The following TMEM71 variants were observed in gnomAD, a reference collection of about 807,000 sequenced individuals.
TMEM71 encodes the protein transmembrane protein 71.
In TMEM71, 44 loss-of-function variants were observed where a neutral mutation model predicts 38.0. The ratio of observed to expected loss-of-function variants is 1.16; its 90% CI spans 0.91 to 1.49. The LOEUF (loss-of-function observed/expected upper bound fraction) is 1.49, where lower values mean the gene tolerates loss of function less well. Ranked by LOEUF, TMEM71 falls within the 40% of genes most tolerant of loss-of-function variation. The pLI, the probability that TMEM71 is intolerant of heterozygous loss-of-function variation, is 0.00. For synonymous variants in TMEM71, 133 were observed against 122.5 expected, an observed-to-expected ratio of 1.09 and a Z score of -0.56; for missense variants, 367 against 348.6, an observed-to-expected ratio of 1.05 and a Z score of -0.42.
intron 6 of TMEM71, among the ~76,000 whole-genome samples, chr8:132,725,741 G>A (rs7011718): frequency 5.9e-5 from 9 of 152,272 alleles, no homozygotes; most frequent in South Asian, 2.1e-4. Flanking sequence ...GAATCAAGGC[G>A]AAGTGAAGCG....
intron 9 of TMEM71, 111 bp downstream of exon 9, chr8:132,713,884 G>T: frequency 9.7e-7 from 1 of 1,028,030 alleles, no homozygotes; most frequent in South Asian, 1.4e-5. Flanking sequence ...CAGGACGAAT[G>T]ATCAGGATGT....
At chr8:132,724,880 G>A (rs910667750) in intron 6 of TMEM71, among the ~76,000 whole-genome samples, 2 of 152,074 alleles carry the variant, frequency 1.3e-5, no homozygotes, top group African/African-American at 4.8e-5. Context: ...TGTGAAACAT[G>A]CCCTTCCAAA....
intron 6 of TMEM71, among the ~76,000 whole-genome samples, chr8:132,722,792 T>G (rs1258077934): frequency 6.6e-6 from 1 of 152,202 alleles, no homozygotes; most frequent in East Asian, 1.9e-4. Flanking sequence ...CTCTTTGCAA[T>G]CAGTACAATA....
At chr8:132,730,885 G>A (rs542136577) in intron 5 of TMEM71, among the ~76,000 whole-genome samples, 1 of 152,104 alleles carries the variant, frequency 6.6e-6, no homozygotes, top group African/African-American at 2.4e-5. Flanking sequence ...GTGTACATGT[G>A]TGCATGTGTG....
intron 2 of TMEM71, among the ~76,000 whole-genome samples, chr8:132,757,725 C>T (rs551613892): frequency 3.9e-4 from 59 of 150,886 alleles, no homozygotes; most frequent in Non-Finnish European, 6.2e-4. Flanking sequence ...ACTGGGGAGG[C>T]TGAGGCAGGA....
chr8:132,737,381 C>T (rs970757470), intron 5 of TMEM71, among the ~76,000 whole-genome samples: 1 of 152,210 alleles, frequency 6.6e-6, no homozygotes, highest in African/African-American at 2.4e-5. Flanking sequence ...CATAACACAT[C>T]TACCAGGGAC....
At chr8:132,706,503 A>T (rs1003851197), downstream of TMEM71, among the ~76,000 whole-genome samples, 1 of 152,132 alleles carries the variant, frequency 6.6e-6, no homozygotes, top group Non-Finnish European at 1.5e-5. Context: ...TTACTTTCTC[A>T]ATCTTTTTAG....
chr8:132,772,468 G>C, the TMEM71 span, among the ~76,000 whole-genome samples: 1 of 152,252 alleles, frequency 6.6e-6, no homozygotes, highest in Non-Finnish European at 1.5e-5. Flanking sequence ...TACATGGCCA[G>C]GGAGTCAGTA....
rs368282752 is a variant in TMEM71, at chr8:132,743,542, C to T, written c.487+3400G>A. Among the ~76,000 whole-genome samples the T allele has an allele frequency of 1.9e-3, 284 of 152,294 alleles. 1 individual carries two copies. The highest frequency in any genetic ancestry group is 6.6e-3 in the African/African-American group (273 of 41,564). ...TCCATGAATGCTTCCTTCCTAATCTCTTTTGCAGGTTAATCCTGTCCTATT... is the reference window on the plus strand; with the variant it reads ...TCCATGAATGCTTCCTTCCTAATCTTTTTTGCAGGTTAATCCTGTCCTATT... On this transcript the variant is annotated intron_variant, in intron 5 of 9. Coordinates refer to ENST00000677595, the MANE Select transcript of TMEM71 (RefSeq NM_001382403.1).
intron 5 of TMEM71, among the ~76,000 whole-genome samples, chr8:132,740,604 A>G (rs898861379): frequency 6.6e-6 from 1 of 152,254 alleles, no homozygotes; most frequent in African/African-American, 2.4e-5. Flanking sequence ...CAGCAGAGTG[A>G]GTGACATAAG....
At chr8:132,740,776 C>T (rs532278955) in intron 5 of TMEM71, among the ~76,000 whole-genome samples, 30 of 152,306 alleles carry the variant, frequency 2.0e-4, no homozygotes, top group Non-Finnish European at 3.8e-4. Context: ...TTCTTGCTCC[C>T]GAGGGCCTTT....
At chr8:132,736,834 A>C in intron 5 of TMEM71, among the ~76,000 whole-genome samples, 1 of 151,748 alleles carries the variant, frequency 6.6e-6, no homozygotes, top group African/African-American at 2.4e-5. Flanking sequence ...CTGTCTCAAA[A>C]AAAAAAAAAA....
chr8:132,754,840 T>C (rs1198309336), intron 3 of TMEM71, among the ~76,000 whole-genome samples: 1 of 152,190 alleles, frequency 6.6e-6, no homozygotes, highest in Non-Finnish European at 1.5e-5. Flanking sequence ...CAGGTAGAAA[T>C]TTGAGACTTT....
At chr8:132,766,994 T>C in the TMEM71 span, among the ~76,000 whole-genome samples, 2 of 152,262 alleles carry the variant, frequency 1.3e-5, no homozygotes, top group African/African-American at 4.8e-5. Flanking sequence ...TGGAGTAACT[T>C]CCATCAAAAC....
At chr8:132,746,288 G>A (rs904085152) in intron 5 of TMEM71, among the ~76,000 whole-genome samples, 22 of 148,656 alleles carry the variant, frequency 1.5e-4, no homozygotes, top group African/African-American at 5.5e-4. Context: ...TACACAATAT[G>A]TATATATTAT....
At chr8:132,752,094 G>T in intron 3 of TMEM71, 97 bp from the exon 4 acceptor site, 2 of 996,700 alleles carry the variant, frequency 2.0e-6, no homozygotes, top group Non-Finnish European at 3.1e-6. Flanking sequence ...TAACATCTTT[G>T]CATCCATGAC....
intron 5 of TMEM71, among the ~76,000 whole-genome samples, chr8:132,742,217 A>G (rs1330897470): frequency 6.6e-6 from 1 of 152,230 alleles, no homozygotes; most frequent in Non-Finnish European, 1.5e-5. Flanking sequence ...TCTAAGATCT[A>G]TATCTGGTAT....
intron 9 of TMEM71, among the ~76,000 whole-genome samples, chr8:132,711,977 T>C (rs1477728115): frequency 5.3e-5 from 8 of 152,202 alleles, no homozygotes; most frequent in Non-Finnish European, 1.2e-4. Context: ...TATTAGTTTC[T>C]CGGTATGTTT....
chr8:132,766,751 C>G, the TMEM71 span, among the ~76,000 whole-genome samples: 1 of 150,098 alleles, frequency 6.7e-6, no homozygotes, highest in African/African-American at 2.5e-5. Context: ...ACATTGCGTA[C>G]CCTAACCCGG....
Sources: allele counts gnomAD v4.1 joint callset (sites outside exome capture counted in the v4.1 genomes callset), GRCh38; gene constraint gnomAD v4.1.1; transcripts MANE v1.5; gene names NCBI Gene and HGNC (gene_info 2026-07-23, HGNC 2026-07-21).